The following RPRD2 variants were observed in gnomAD, a reference collection of about 807,000 sequenced individuals.
The protein encoded by RPRD2 is regulation of nuclear pre-mRNA domain containing 2, also known as regulation of nuclear pre-mRNA domain-containing protein 2.
RPRD2 carries 12 observed loss-of-function variants against 104.4 expected under a neutral mutation model. That is an observed-to-expected ratio of 0.11 (90% CI 0.07 to 0.19). RPRD2 has a LOEUF of 0.19. Among genes scored for constraint, RPRD2 ranks in the 10% least tolerant of loss-of-function variants. The probability of loss-of-function intolerance (pLI) is 1.00; values close to 1 mark genes in which losing one functional copy is unlikely to be tolerated. For missense variants in RPRD2, 1,543 were observed against 1,790.1 expected, an observed-to-expected ratio of 0.86 and a Z score of 2.49; for synonymous variants, 714 against 684.9, an observed-to-expected ratio of 1.04 and a Z score of -0.66.
At chr1:150,390,096 T>C (rs1466023547) in intron 1 of RPRD2, among the ~76,000 whole-genome samples, 1 of 152,138 alleles carries the variant, frequency 6.6e-6, no homozygotes, top group African/African-American at 2.4e-5. Context: ...AATATAAGCT[T>C]ACAATAAAAG....
At chr1:150,454,318 A>G (rs1278615423) in intron 7 of RPRD2, among the ~76,000 whole-genome samples, 1 of 152,132 alleles carries the variant, frequency 6.6e-6, no homozygotes, top group Non-Finnish European at 1.5e-5. Flanking sequence ...CTAGCTCCCC[A>G]GAATCAGCAG....
chr1:150,462,081 C>T (rs1400681756), intron 9 of RPRD2, among the ~76,000 whole-genome samples: 1 of 151,934 alleles, frequency 6.6e-6, no homozygotes, highest in Non-Finnish European at 1.5e-5. Flanking sequence ...GTCAGGAGTT[C>T]AAGACCAGCC....
At position 150,474,424 on chromosome 1, in the gene RPRD2, A is replaced by G. The variant is rs1668788505; in HGVS notation, c.*1090A>G. The G allele has an allele frequency of 6.6e-6, 1 of 151,738 alleles. No homozygotes were observed. 9.4% of individuals were successfully genotyped at this position (151,738 alleles called of 1,614,324 possible). A position where few individuals can be genotyped will look rare whatever the true frequency, so the allele number is the denominator to read the frequency against. ...TATTCTTGATATTTTAAAGGAGGAG[A>G]TTCAGTAGCATTTTCCTTTATATTA... On this transcript the variant is annotated 3_prime_UTR_variant, in exon 11 of 11. Transcript: ENST00000369068.
intron 1 of RPRD2, among the ~76,000 whole-genome samples, chr1:150,399,793 T>C (rs1553884967): frequency 6.6e-6 from 1 of 151,960 alleles, no homozygotes; most frequent in African/African-American, 2.4e-5. Context: ...CGTATATATA[T>C]GCTGCCTTGA....
chr1:150,423,878 C>T (rs1222152421), intron 2 of RPRD2, among the ~76,000 whole-genome samples: 3 of 151,882 alleles, frequency 2.0e-5, no homozygotes, highest in East Asian at 1.9e-4. Flanking sequence ...CTGCAACCTC[C>T]GCCTCCTGGG....
intron 9 of RPRD2, among the ~76,000 whole-genome samples, chr1:150,463,125 G>A (rs1553899177): frequency 1.3e-5 from 2 of 151,934 alleles, no homozygotes; most frequent in African/African-American, 4.8e-5. Context: ...TAAAATGTTG[G>A]GATTACAATC....
At chr1:150,423,008 G>A (rs770201477) in intron 2 of RPRD2, among the ~76,000 whole-genome samples, 1 of 152,058 alleles carries the variant, frequency 6.6e-6, no homozygotes, top group Non-Finnish European at 1.5e-5. Context: ...AAATTCCATG[G>A]GCTGGAAACC....
At chr1:150,433,879 T>TTATATATACATAATGTTATATATAGTTA (rs61458847) in intron 2 of RPRD2, among the ~76,000 whole-genome samples, 1 of 147,256 alleles carries the variant, frequency 6.8e-6, no homozygotes. Context: ...TTATATATAG[T>TTATATATACATAATGTTATATATAGTTA]TATATTATGT....
intron 4 of RPRD2, among the ~76,000 whole-genome samples, chr1:150,442,322 A>G (rs782488918): frequency 5.3e-5 from 8 of 152,198 alleles, no homozygotes; most frequent in Non-Finnish European, 8.8e-5. Flanking sequence ...AGATCTGAAG[A>G]GGAGACTAGG....
chr1:150,424,072 G>A (rs1664949029), intron 2 of RPRD2, among the ~76,000 whole-genome samples: 2 of 152,082 alleles, frequency 1.3e-5, no homozygotes, highest in South Asian at 2.1e-4. Context: ...GATTACAGGT[G>A]TGAGCCACAG....
At chr1:150,433,731 T>C (rs1553892483) in intron 2 of RPRD2, among the ~76,000 whole-genome samples, 3 of 112,832 alleles carry the variant, frequency 2.7e-5, no homozygotes, top group African/African-American at 1.3e-4. Context: ...ATAGTTTTTT[T>C]TTTAACCAAG....
intron 1 of RPRD2, among the ~76,000 whole-genome samples, chr1:150,370,888 A>G (rs587742617): frequency 6.6e-6 from 1 of 152,034 alleles, no homozygotes; most frequent in South Asian, 2.1e-4. Flanking sequence ...GCTATTTTTC[A>G]TAGAAACTTT....
At chr1:150,395,612 A>G (rs1453220057) in intron 1 of RPRD2, among the ~76,000 whole-genome samples, 2 of 151,040 alleles carry the variant, frequency 1.3e-5, no homozygotes, top group Non-Finnish European at 2.9e-5. Context: ...TCCGTGTTCA[A>G]GCAGTTCTGC....
chr1:150,436,141 A>C (rs1487521507), intron 2 of RPRD2, among the ~76,000 whole-genome samples: 2 of 152,110 alleles, frequency 1.3e-5, no homozygotes, highest in Admixed American at 6.6e-5. Flanking sequence ...AAAAAAAAAA[A>C]AAAACACAGA....
At chr1:150,419,674 TG>T (rs2102283422) in intron 2 of RPRD2, among the ~76,000 whole-genome samples, 1 of 152,262 alleles carries the variant, frequency 6.6e-6, no homozygotes, top group East Asian at 1.9e-4. Flanking sequence ...CAGGCTGGAG[TG>T]CAGTGGCACA....
intron 2 of RPRD2, among the ~76,000 whole-genome samples, chr1:150,424,437 G>A (rs1377638994): frequency 1.3e-5 from 2 of 152,020 alleles, no homozygotes; most frequent in Admixed American, 6.6e-5. Flanking sequence ...ACAGGCGAGC[G>A]CCACCATGCC....
chr1:150,441,822 G>C, intron 3 of RPRD2, 59 bp from the exon 4 acceptor site: 4 of 1,249,870 alleles, frequency 3.2e-6, no homozygotes, highest in Non-Finnish European at 4.6e-6. Flanking sequence ...TGGCACTGAA[G>C]TGGACAGACA....
chr1:150,459,737 C>T (rs1043145499), intron 8 of RPRD2, among the ~76,000 whole-genome samples: 16 of 151,990 alleles, frequency 1.1e-4, no homozygotes, highest in African/African-American at 2.7e-4. Flanking sequence ...GGATTATAGA[C>T]GCCTGCCACC....
chr1:150,421,661 T>C (rs1664765618), intron 2 of RPRD2, among the ~76,000 whole-genome samples: 1 of 152,178 alleles, frequency 6.6e-6, no homozygotes, highest in Non-Finnish European at 1.5e-5. Flanking sequence ...AAGTATATGG[T>C]AAATCAGAGG....
Sources: gnomAD v4.1 joint callset for allele counts (sites outside exome capture counted in the v4.1 genomes callset) on GRCh38, gnomAD v4.1.1 for gene constraint, MANE v1.5 for transcripts, NCBI Gene and HGNC (gene_info 2026-07-23, HGNC 2026-07-21) for gene names.